The following CADM2 variants were observed in gnomAD, a reference collection of about 807,000 sequenced individuals.
The protein encoded by CADM2 is immunoglobulin superfamily member 4D.
Under a neutral mutation model 49.8 loss-of-function variants are expected in CADM2, and 12 were observed. That is an observed-to-expected ratio of 0.24 (90% CI 0.15 to 0.39). The LOEUF is 0.39. CADM2 is among the 10% of genes least tolerant of loss of function. The probability of loss-of-function intolerance (pLI) is 1.00; values close to 1 mark genes in which losing one functional copy is unlikely to be tolerated. For synonymous variants in CADM2, 214 were observed against 175.4 expected, an observed-to-expected ratio of 1.22 and a Z score of -1.74; for missense variants, 378 against 492.3, an observed-to-expected ratio of 0.77 and a Z score of 2.20.
intron 3 of CADM2, among the ~76,000 whole-genome samples, chr3:85,831,761 A>C (rs2074197966): frequency 6.6e-6 from 1 of 151,776 alleles, no homozygotes; most frequent in East Asian, 1.9e-4. Context: ...GTTTGTGACT[A>C]TTTTCTCCCA....
intron 1 of CADM2, among the ~76,000 whole-genome samples, chr3:85,430,344 T>G (rs1040205532): frequency 7.9e-5 from 12 of 151,870 alleles, no homozygotes; most frequent in African/African-American, 2.9e-4. Context: ...CTGAAGACAA[T>G]AAATGTATTG....
intron 1 of CADM2, among the ~76,000 whole-genome samples, chr3:85,109,972 C>G (rs920164550): frequency 6.6e-6 from 1 of 151,922 alleles, no homozygotes; most frequent in Non-Finnish European, 1.5e-5. Flanking sequence ...TACTTTAAGA[C>G]AATCCCCCAT....
intron 1 of CADM2, among the ~76,000 whole-genome samples, chr3:85,365,708 A>G (rs1471958828): frequency 6.6e-6 from 1 of 152,214 alleles, no homozygotes; most frequent in Non-Finnish European, 1.5e-5. Flanking sequence ...AAAATGGAGT[A>G]ATTTTCACTC....
chr3:85,280,888 GA>G (rs1449655100), intron 1 of CADM2, among the ~76,000 whole-genome samples: 1 of 151,664 alleles, frequency 6.6e-6, no homozygotes, highest in Non-Finnish European at 1.5e-5. Context: ...GAAAGAATTT[GA>G]AAATGCACTC....
chr3:85,497,418 G>A (rs914740177), intron 1 of CADM2, among the ~76,000 whole-genome samples: 2 of 151,770 alleles, frequency 1.3e-5, no homozygotes, highest in African/African-American at 2.4e-5. Context: ...CAGAAAGAAG[G>A]GAAAGTTCTA....
intron 2 of CADM2, among the ~76,000 whole-genome samples, chr3:85,788,136 T>C (rs752738734): frequency 1.1e-4 from 16 of 152,148 alleles, no homozygotes; most frequent in Non-Finnish European, 1.9e-4. Context: ...CACAGTTGTT[T>C]TCCCAACACA....
intron 1 of CADM2, among the ~76,000 whole-genome samples, chr3:85,245,288 G>A (rs574894927): frequency 6.6e-6 from 1 of 152,086 alleles, no homozygotes; most frequent in East Asian, 1.9e-4. Context: ...CGAGGCGGGC[G>A]GATCACGAGG....
intron 1 of CADM2, among the ~76,000 whole-genome samples, chr3:85,044,123 A>G (rs951026190): frequency 6.6e-5 from 10 of 152,128 alleles, no homozygotes; most frequent in East Asian, 5.8e-4. Context: ...CTTATTGCCA[A>G]CCAAAACATC....
At chr3:85,915,801 T>G (rs1000853964) in intron 6 of CADM2, among the ~76,000 whole-genome samples, 1 of 152,180 alleles carries the variant, frequency 6.6e-6, no homozygotes, top group African/African-American at 2.4e-5. Context: ...CTGGCCCAAA[T>G]GGAAGAACAT....
intron 1 of CADM2, among the ~76,000 whole-genome samples, chr3:84,987,554 A>T (rs2107164200): frequency 6.6e-6 from 1 of 152,232 alleles, no homozygotes; most frequent in African/African-American, 2.4e-5. Flanking sequence ...TAGATCTTCT[A>T]GAAGCTAGTT....
chr3:85,638,570 A>G lies in CADM2; in HGVS notation c.62-87952A>G, dbSNP rs2064593691. On this transcript the variant is annotated intron_variant, in intron 1 of 9. Transcript: ENST00000383699. ...TGATGTTTTCCATTTACTGCTTATT[A>G]TACTTATGTTTTATTTGAGCATTTT... 2.0e-5 allele frequency among the ~76,000 whole-genome samples: 3 copies of G among 152,078 alleles called. No homozygotes were observed. The South Asian group carries it at 6.2e-4, about 32-fold the overall frequency.
At chr3:86,042,441 C>T (rs1394099979) in intron 8 of CADM2, among the ~76,000 whole-genome samples, 1 of 152,154 alleles carries the variant, frequency 6.6e-6, no homozygotes, top group Non-Finnish European at 1.5e-5. Flanking sequence ...TCAGAGAATA[C>T]TATAAAAGCC....
At chr3:85,098,239 T>C (rs551024337) in intron 1 of CADM2, among the ~76,000 whole-genome samples, 1 of 148,064 alleles carries the variant, frequency 6.8e-6, no homozygotes, top group African/African-American at 2.5e-5. Context: ...TTCTTACTTA[T>C]CCTGGACATT....
At chr3:85,300,061 C>T (rs2044057248) in intron 1 of CADM2, among the ~76,000 whole-genome samples, 1 of 152,034 alleles carries the variant, frequency 6.6e-6, no homozygotes, top group African/African-American at 2.4e-5. Context: ...TCATTTACAT[C>T]TCATGGAAGG....
chr3:85,935,723 T>A, intron 6 of CADM2, 44 bp from the exon 7 acceptor site: 1 of 1,041,096 alleles, frequency 9.6e-7, no homozygotes, highest in Non-Finnish European at 1.5e-6. Context: ...ATATCTAGTT[T>A]TGTATGTGTT....
intron 1 of CADM2, among the ~76,000 whole-genome samples, chr3:85,679,816 A>G (rs2065990189): frequency 6.6e-6 from 1 of 152,096 alleles, no homozygotes; most frequent in Non-Finnish European, 1.5e-5. Flanking sequence ...AATAAAAACC[A>G]TAGATTTTGT....
At chr3:85,194,311 G>A (rs1369891359) in intron 1 of CADM2, among the ~76,000 whole-genome samples, 1 of 152,084 alleles carries the variant, frequency 6.6e-6, no homozygotes, top group Non-Finnish European at 1.5e-5. Flanking sequence ...TTGTTGAACA[G>A]CGTAGACTAC....
chr3:85,243,862 A>G (rs1200460215), intron 1 of CADM2, among the ~76,000 whole-genome samples: 1 of 152,098 alleles, frequency 6.6e-6, no homozygotes, highest in African/African-American at 2.4e-5. Context: ...AATTTATTCT[A>G]CTATGTAAGA....
chr3:85,569,701 C>CA (rs781598979), intron 1 of CADM2, among the ~76,000 whole-genome samples: 1,971 of 114,672 alleles, frequency 0.017, 28 homozygotes, highest in East Asian at 0.062. Context: ...TTTCTAATGG[C>CA]AAAAAAAAAA....
Sources: gnomAD v4.1 joint callset for allele counts (sites outside exome capture counted in the v4.1 genomes callset) on GRCh38, gnomAD v4.1.1 for gene constraint, MANE v1.5 for transcripts, NCBI Gene and HGNC (gene_info 2026-07-23, HGNC 2026-07-21) for gene names.